Variants in TSC22D3 observed in about 807,000 individuals in gnomAD.
TSC22D3 encodes TSC22 domain family member 3.
A neutral mutation model predicts 11.1 loss-of-function variants in TSC22D3; 4 were observed. That is an observed-to-expected ratio of 0.36 (90% CI 0.18 to 0.83). TSC22D3 has a LOEUF of 0.83. Ranked by LOEUF, TSC22D3 falls within the 40% of genes least tolerant of loss-of-function variation. The pLI is 0.48. For missense variants in TSC22D3, 118 were observed against 159.4 expected, an observed-to-expected ratio of 0.74 and a Z score of 1.40; for synonymous variants, 77 against 70.3, an observed-to-expected ratio of 1.10 and a Z score of -0.48.
At chrX:107,744,976 T>A (rs1035566532) in intron 1 of TSC22D3, among the ~76,000 whole-genome samples, 3 of 111,778 alleles carry the variant, frequency 2.7e-5, no homozygotes, top group African/African-American at 9.8e-5. Flanking sequence ...AACTCAGTAA[T>A]AACAATTGGG....
intron 1 of TSC22D3, among the ~76,000 whole-genome samples, chrX:107,744,510 T>TA (rs759165357): frequency 2.7e-5 from 3 of 111,029 alleles, no homozygotes; most frequent in African/African-American, 9.9e-5. Context: ...AAATTTAAAT[T>TA]AAAAAAAAGC....
intron 1 of TSC22D3, among the ~76,000 whole-genome samples, chrX:107,735,629 C>T (rs116752319): frequency 1.5e-3 from 161 of 110,849 alleles, no homozygotes; most frequent in African/African-American, 5.1e-3. Flanking sequence ...CAAACCCTCT[C>T]TCACTGAACA....
intron 1 of TSC22D3, among the ~76,000 whole-genome samples, chrX:107,766,070 C>T (rs1001269874): frequency 1.8e-5 from 2 of 112,205 alleles, no homozygotes; most frequent in Non-Finnish European, 1.9e-5. Flanking sequence ...TTGATGGCAA[C>T]ACACGTGAGA....
intron 1 of TSC22D3, among the ~76,000 whole-genome samples, chrX:107,763,785 C>A (rs1199307657): frequency 8.9e-6 from 1 of 112,541 alleles, no homozygotes; most frequent in Non-Finnish European, 1.9e-5. Context: ...GTCCCCAGGG[C>A]TAGCCTTTAC....
chrX:107,746,966 TATA>T (rs1355790734), intron 1 of TSC22D3, among the ~76,000 whole-genome samples: 1 of 112,898 alleles, frequency 8.9e-6, no homozygotes, highest in African/African-American at 3.2e-5. Flanking sequence ...TCCCTTGGCC[TATA>T]GACAAGACAC....
intron 1 of TSC22D3, among the ~76,000 whole-genome samples, chrX:107,762,453 GAAAAC>G: frequency 8.9e-6 from 1 of 111,915 alleles, no homozygotes; most frequent in Non-Finnish European, 1.9e-5. Flanking sequence ...GTATTTTCAT[GAAAAC>G]ACCTTCACCT....
chrX:107,751,313 G>A (rs1423359448), intron 1 of TSC22D3, among the ~76,000 whole-genome samples: 1 of 111,874 alleles, frequency 8.9e-6, no homozygotes, highest in African/African-American at 3.3e-5. Context: ...ATCACTTGGC[G>A]AGGGGTTACT....
At chrX:107,714,871 C>T in intron 2 of TSC22D3, 122 bp from the exon 3 acceptor site, 1 of 655,816 alleles carries the variant, frequency 1.5e-6, no homozygotes, top group Non-Finnish European at 2.4e-6. Flanking sequence ...AGCCTTCCCT[C>T]AGTGAACTGG....
At chrX:107,773,331 A>C (rs1236266909) in intron 1 of TSC22D3, among the ~76,000 whole-genome samples, 1 of 111,671 alleles carries the variant, frequency 9.0e-6, no homozygotes, top group African/African-American at 3.3e-5. Flanking sequence ...CCCCTCTCAC[A>C]CTTTCCTAAA....
chrX:107,736,287 T>C (rs1928130867), intron 1 of TSC22D3, among the ~76,000 whole-genome samples: 1 of 111,650 alleles, frequency 9.0e-6, no homozygotes, highest in African/African-American at 3.3e-5. Flanking sequence ...GTGACCTGCC[T>C]AAGGTCACAC....
At chrX:107,733,301 C>G (rs1307696471) in intron 1 of TSC22D3, among the ~76,000 whole-genome samples, 1 of 111,882 alleles carries the variant, frequency 8.9e-6, no homozygotes, top group Non-Finnish European at 1.9e-5. Flanking sequence ...AGAGCATGCG[C>G]ACTTTCTACA....
intron 1 of TSC22D3, among the ~76,000 whole-genome samples, chrX:107,773,499 G>A (rs1179777609): frequency 8.9e-6 from 1 of 112,418 alleles, no homozygotes; most frequent in Non-Finnish European, 1.9e-5. Context: ...GGATTTCAAC[G>A]TCTGTGGGCT....
Position 107,775,227 on chromosome X carries a change from G to A in TSC22D3, c.193C>T (p.Leu65Phe). The change falls in exon 1 of 3, where the codon CTC (leucine) becomes TTC (phenylalanine). Residue 65 changes from leucine to phenylalanine, a missense_variant. Transcript: ENST00000372383. ...GAATCCTGCCGCATTATGCTGTTGA[G>A]CTTGTCGGTATTGAGGTTCTCAAAG... ...LVFENLNTDK[L>F]NSIMRQDSLE... 1 of 1,212,210 alleles carries A rather than the reference G, an allele frequency of 8.2e-7. No individual in the cohort carries two copies. The highest frequency in any genetic ancestry group is 1.1e-6 in the Non-Finnish European group (1 of 895,640).
intron 1 of TSC22D3, chrX:107,717,115 T>C (rs1400693820): frequency 1.1e-6 from 1 of 890,426 alleles, no homozygotes; most frequent in African/African-American, 2.1e-5. Flanking sequence ...CTGCGTCACA[T>C]GGCGTCAGGG....
chrX:107,758,366 G>C (rs1259663673), intron 1 of TSC22D3, among the ~76,000 whole-genome samples: 1 of 111,760 alleles, frequency 8.9e-6, no homozygotes, highest in Non-Finnish European at 1.9e-5. Flanking sequence ...ACCTGTTATG[G>C]CTTAAGAGAC....
rs61681572 is a variant in TSC22D3, at chrX:107,749,178, T to TACACAC, written c.320+25916_320+25921dup. Among the ~76,000 whole-genome samples, 387 of 87,355 alleles carry TACACAC rather than the reference T, an allele frequency of 4.4e-3. 8 individuals carry two copies. The highest frequency in any genetic ancestry group is 0.016 in the African/African-American group (361 of 22,777). The allele number at this position is 87,355 out of a possible 115,157, so 75.9% of individuals were successfully genotyped here. ...GGTGAAACCCTGTCTCTACTAAAAA[T>TACACAC]ACACACACACACACACACACACACA... is the stretch of plus-strand genomic sequence containing the variant. On this transcript the variant is annotated intron_variant, in intron 1 of 2. Transcript: ENST00000372383.
At chrX:107,769,698 A>ATC (rs1401407128) in intron 1 of TSC22D3, among the ~76,000 whole-genome samples, 1 of 100,958 alleles carries the variant, frequency 9.9e-6, no homozygotes, top group African/African-American at 4.1e-5. Context: ...CATATAATAC[A>ATC]TCTCTCTCTT....
chrX:107,749,252 C>A (rs1023501267), intron 1 of TSC22D3, among the ~76,000 whole-genome samples: 1 of 109,404 alleles, frequency 9.1e-6, no homozygotes, highest in Non-Finnish European at 1.9e-5. Flanking sequence ...TGGTAGGCAC[C>A]TGTAATCCCA....
chrX:107,765,341 A>C (rs1929610928), intron 1 of TSC22D3, among the ~76,000 whole-genome samples: 1 of 111,880 alleles, frequency 8.9e-6, no homozygotes, highest in Non-Finnish European at 1.9e-5. Context: ...CAGGTTTGCA[A>C]AGGCCTGAGG....
Sources: allele counts gnomAD v4.1 joint callset (sites outside exome capture counted in the v4.1 genomes callset), GRCh38; gene constraint gnomAD v4.1.1; transcripts MANE v1.5; gene names NCBI Gene and HGNC (gene_info 2026-07-23, HGNC 2026-07-21).